PKM: variants seen among roughly 807,000 people sequenced by gnomAD.
PKM encodes pyruvate kinase M1/2.
Under a neutral mutation model 49.8 loss-of-function variants are expected in PKM, and 18 were observed. That is an observed-to-expected ratio of 0.36 (90% CI 0.25 to 0.54). The LOEUF is 0.54. PKM is among the 20% of genes least tolerant of loss of function. The pLI is 0.89. For synonymous variants in PKM, 239 were observed against 261.8 expected (o/e 0.91, Z 0.84); for missense variants, 508 against 713.8 (o/e 0.71, Z 3.28).
rs1280645002 is a variant in PKM, at chr15:72,199,230, A to C, written c.*420T>G. On this transcript the variant is annotated 3_prime_UTR_variant, in exon 11 of 11. Coordinates refer to ENST00000335181, the MANE Select transcript of PKM (RefSeq NM_002654.6). Reference sequence around the variant, plus strand: ...AAGGGCCAGGGCCAGAGTCGGCTTCAATGGAACAACAGCCCAGTGCCCTAA... The same window carrying C: ...AAGGGCCAGGGCCAGAGTCGGCTTCCATGGAACAACAGCCCAGTGCCCTAA... 1.1e-5 allele frequency: 4 copies of C among 363,222 alleles called. No individual in the cohort carries two copies. Among genetic ancestry groups the C allele is most frequent in the Non-Finnish European group, 2.2e-5 (4 of 184,774 alleles). The allele number at this position is 363,222 out of a possible 1,614,324, so 22.5% of individuals were successfully genotyped here.
chr15:72,231,083 G>A (rs1221822734), intron 1 of PKM, 33 bp downstream of exon 1: 2 of 545,596 alleles, frequency 3.7e-6, no homozygotes, highest in Non-Finnish European at 6.2e-6. Context: ...GCCCTTGGTG[G>A]GGACTGATGG....
chr15:72,217,313 A>G, intron 3 of PKM, 96 bp downstream of exon 3: 1 of 786,142 alleles, frequency 1.3e-6, no homozygotes, highest in Non-Finnish European at 2.3e-6. Context: ...ACTCAGACTC[A>G]TCCTTGTCTA....
At chr15:72,227,862 G>A (rs1395969591) in intron 1 of PKM, among the ~76,000 whole-genome samples, 1 of 149,512 alleles carries the variant, frequency 6.7e-6, no homozygotes, top group Non-Finnish European at 1.5e-5. Context: ...CCTGCCCACG[G>A]CCGTTTCCTC....
intron 4 of PKM, 121 bp downstream of exon 4, chr15:72,210,226 C>G: frequency 3.0e-6 from 3 of 1,000,266 alleles, no homozygotes; most frequent in Non-Finnish European, 4.6e-6. Flanking sequence ...TTGTAGACCT[C>G]AACTCCTCTG....
At chr15:72,225,951 T>A (rs962080115) in intron 1 of PKM, among the ~76,000 whole-genome samples, 9 of 152,254 alleles carry the variant, frequency 5.9e-5, no homozygotes, top group Admixed American at 1.3e-4. Flanking sequence ...CAATGAACGC[T>A]GAGTTGCTGC....
At chr15:72,224,922 CTTTTTTT>C (rs144572779) in intron 1 of PKM, among the ~76,000 whole-genome samples, 14 of 81,602 alleles carry the variant, frequency 1.7e-4, no homozygotes, top group African/African-American at 6.1e-4. Flanking sequence ...TTTCTTTTTT[CTTTTTTT>C]TTTTTTTTTT....
At chr15:72,210,177 T>C in intron 4 of PKM, 170 bp downstream of exon 4, 1 of 806,614 alleles carries the variant, frequency 1.2e-6, no homozygotes, top group Non-Finnish European at 2.0e-6. Context: ...GCAAAGTAGA[T>C]CAAATCAACA....
chr15:72,219,935 T>C (rs1292562180), intron 1 of PKM, among the ~76,000 whole-genome samples: 1 of 152,238 alleles, frequency 6.6e-6, no homozygotes, highest in East Asian at 1.9e-4. Flanking sequence ...ACACAGACCA[T>C]CAGTTCCAGG....
At position 72,199,341 on chromosome 15, in the gene PKM, C is replaced by G. The variant is rs2140570140; in HGVS notation, c.*309G>C. 1.8e-6 allele frequency: 1 copy of G among 553,908 alleles called. No homozygotes were observed. The highest frequency in any genetic ancestry group is 3.9e-5 in the East Asian group (1 of 25,512). 34.3% of individuals were successfully genotyped at this position (553,908 alleles called of 1,614,324 possible). A position where few individuals can be genotyped will look rare whatever the true frequency, so the allele number is the denominator to read the frequency against. On this transcript the variant is annotated 3_prime_UTR_variant, in exon 11 of 11. Coordinates refer to ENST00000335181, the MANE Select transcript of PKM (RefSeq NM_002654.6). ...ATCCATTTTTTCTAAAGGAACTGGA[C>G]AGAGTACACACAGGAAAGGAAGCTG... is the stretch of plus-strand genomic sequence containing the variant.
chr15:72,228,618 T>C (rs1253835215), intron 1 of PKM: 3 of 1,283,640 alleles, frequency 2.3e-6, no homozygotes, highest in African/African-American at 3.0e-5. Context: ...AATTGAAAGG[T>C]TGAGTCATCT....
chr15:72,231,348 C>CGGT (rs2082868301), upstream of PKM: 1 of 153,750 alleles, frequency 6.5e-6, no homozygotes, highest in Non-Finnish European at 1.5e-5. Context: ...GCGGCGGCGG[C>CGGT]GGCGGAACGC....
chr15:72,227,511 G>A (rs554401442), intron 1 of PKM, among the ~76,000 whole-genome samples: 67 of 152,234 alleles, frequency 4.4e-4, no homozygotes, highest in Admixed American at 4.6e-4. Flanking sequence ...TTGGGAGGCC[G>A]AGGCCGGTGG....
intron 3 of PKM, among the ~76,000 whole-genome samples, chr15:72,211,718 G>A (rs8023703): frequency 0.69 from 104,678 of 151,294 alleles, 37,120 homozygotes; most frequent in Non-Finnish European, 0.78. Context: ...TTGTGAGGCT[G>A]AGGTGGGTTA....
In PKM at chr15:72,208,620, C is replaced by T; in HGVS notation, c.836+1G>A. The T allele has an allele frequency of 6.2e-7, 1 of 1,614,002 alleles. No individual in the cohort carries two copies. ...CTGGAGCAGGGACAACGGGGACTTG[C>T]CTCCGAACCCCCTCATGATTCTCGA... On this transcript the variant is annotated splice_donor_variant, in intron 6 of 10. Transcript: ENST00000335181. LOFTEE classifies it high-confidence loss of function.
At position 72,219,107 on chromosome 15, in the gene PKM, G is replaced by T; in HGVS notation, c.-10C>A. The stretch of plus-strand genomic sequence containing the variant: ...TATGGGGCTTCGACATGGCTGCTGA[G>T]GTCCTGGGTCGAGACAAATTGAAAG... On this transcript the variant is annotated 5_prime_UTR_variant, in exon 2 of 11. Transcript: ENST00000335181. 1 of 1,611,652 alleles carries T rather than the reference G, an allele frequency of 6.2e-7. No homozygotes were observed. Among genetic ancestry groups the T allele is most frequent in the Non-Finnish European group, 8.5e-7 (1 of 1,178,000 alleles).
Position 72,210,445 on chromosome 15 carries a change from C to T in PKM, c.280G>A (p.Ala94Thr). Residue 94 changes from alanine (A) to threonine (T), a missense_variant, in exon 4 of 11, where the codon GCC (alanine) becomes ACC (threonine). By Grantham distance (58) the Ala-to-Thr change is moderately conservative (BLOSUM62 0). Transcript: ENST00000335181. ...GGGTCAGAAGCAAAGCTTTCCGTGG[C>T]TGTGCGCACATTCTTGATGGTCTCC... ...HAETIKNVRT[A>T]TESFASDPIL... is the part of the protein sequence containing the mutation. 6.2e-7 allele frequency: 1 copy of T among 1,614,200 alleles called. No homozygotes were observed.
At chr15:72,221,574 A>G (rs541243617) in intron 1 of PKM, among the ~76,000 whole-genome samples, 8 of 152,150 alleles carry the variant, frequency 5.3e-5, no homozygotes, top group Non-Finnish European at 1.2e-4. Flanking sequence ...AGAAAAAAAA[A>G]AATCCTCTTT....
chr15:72,208,848 C>G lies in PKM; in HGVS notation c.609G>C (p.Leu203Phe). 6.2e-7 allele frequency: 1 copy of G among 1,614,108 alleles called. No individual in the cohort carries two copies. The highest frequency in any genetic ancestry group is 8.5e-7 in the Non-Finnish European group (1 of 1,180,014). Reference protein sequence around the residue: ...LVTEVENGGSLGSKKGVNLPG... With the variant: ...LVTEVENGGSFGSKKGVNLPG... ...GAAGGTTCACACCCTTCTTGCTGCCCAAGGAGCCACCATTTTCCACCTCCG... is the reference window on the plus strand; with the variant it reads ...GAAGGTTCACACCCTTCTTGCTGCCGAAGGAGCCACCATTTTCCACCTCCG... The change falls in exon 6 of 11, where the codon TTG becomes TTC. Residue 203 changes from leucine (L) to phenylalanine (F), a missense_variant. By Grantham distance (22) the Leu-to-Phe change is conservative. Transcript: ENST00000335181.
chr15:72,220,655 T>A (rs1359676408), intron 1 of PKM, among the ~76,000 whole-genome samples: 1 of 152,158 alleles, frequency 6.6e-6, no homozygotes, highest in Non-Finnish European at 1.5e-5. Context: ...AATGAAAAAA[T>A]CAATCCTCCC....
Sources: allele counts gnomAD v4.1 joint callset (sites outside exome capture counted in the v4.1 genomes callset), GRCh38; gene constraint gnomAD v4.1.1; transcripts MANE v1.5; gene names NCBI Gene and HGNC (gene_info 2026-07-23, HGNC 2026-07-21).